SV2C: variants seen among roughly 807,000 people sequenced by gnomAD.
SV2C encodes the protein synaptic vesicle glycoprotein 2C.
Under a neutral mutation model 79.7 loss-of-function variants are expected in SV2C, and 49 were observed. The ratio of observed to expected loss-of-function variants is 0.61; its 90% CI spans 0.49 to 0.78. The LOEUF is 0.78. SV2C is among the 30% of genes least tolerant of loss of function. The pLI, the probability that SV2C is intolerant of heterozygous loss-of-function variation, is 0.00. For synonymous variants in SV2C, 334 were observed against 333.2 expected, an observed-to-expected ratio of 1.00 and a Z score of -0.03; for missense variants, 833 against 912.9, an observed-to-expected ratio of 0.91 and a Z score of 1.13.
the SV2C span, among the ~76,000 whole-genome samples, chr5:76,000,425 C>T: frequency 6.6e-6 from 1 of 152,146 alleles, no homozygotes; most frequent in Admixed American, 6.6e-5. Flanking sequence ...CACTGTGAAC[C>T]TGCATAATGC....
chr5:76,116,595 G>T (rs1247470288), intron 1 of SV2C, among the ~76,000 whole-genome samples: 1 of 152,120 alleles, frequency 6.6e-6, no homozygotes, highest in Non-Finnish European at 1.5e-5. Context: ...AGGCAGAACT[G>T]ACCACATTGA....
intron 2 of SV2C, among the ~76,000 whole-genome samples, chr5:76,139,856 A>ATT (rs3079931): frequency 0.06 from 3,855 of 64,528 alleles, 296 homozygotes; most frequent in East Asian, 0.3. Flanking sequence ...TCTTGAAAGT[A>ATT]TTTTTTTTTT....
chr5:76,293,941 A>C (rs1415828216), intron 8 of SV2C, among the ~76,000 whole-genome samples: 1 of 152,208 alleles, frequency 6.6e-6, no homozygotes, highest in Non-Finnish European at 1.5e-5. Flanking sequence ...TCCTCCTGCA[A>C]AGGCTATGCC....
At chr5:76,160,835 CT>C (rs1397026213) in intron 2 of SV2C, among the ~76,000 whole-genome samples, 2 of 152,128 alleles carry the variant, frequency 1.3e-5, no homozygotes, top group Admixed American at 1.3e-4. Context: ...GAAGATACCC[CT>C]TCAAGGCCCC....
chr5:76,173,851 C>T (rs1422767269), intron 2 of SV2C: 7 of 1,597,950 alleles, frequency 4.4e-6, no homozygotes, highest in Non-Finnish European at 6.0e-6. Flanking sequence ...CAACAAGAAT[C>T]ATTGGAACAT....
chr5:75,998,179 C>T, the SV2C span, among the ~76,000 whole-genome samples: 20 of 151,738 alleles, frequency 1.3e-4, no homozygotes, highest in South Asian at 2.1e-4. Context: ...CATCACACAC[C>T]GGGGCCTGAT....
chr5:76,119,722 C>G (rs1321337556), intron 1 of SV2C, among the ~76,000 whole-genome samples: 1 of 151,732 alleles, frequency 6.6e-6, no homozygotes, highest in Non-Finnish European at 1.5e-5. Context: ...AAACAAAAAA[C>G]AAAAAACAAA....
chr5:76,098,547 A>G (rs1011597641), intron 1 of SV2C, among the ~76,000 whole-genome samples: 4 of 152,238 alleles, frequency 2.6e-5, no homozygotes, highest in African/African-American at 9.6e-5. Context: ...ATTTATTGAT[A>G]AATACATTAC....
At chr5:76,242,176 C>T (rs1358636088) in intron 4 of SV2C, 9 of 1,090,696 alleles carry the variant, frequency 8.3e-6, no homozygotes, top group Admixed American at 3.4e-5. Context: ...GCCTTTTAGG[C>T]GTGGGCTCTG....
At chr5:76,153,637 C>A (rs1256845252) in intron 2 of SV2C, among the ~76,000 whole-genome samples, 3 of 152,048 alleles carry the variant, frequency 2.0e-5, no homozygotes, top group Non-Finnish European at 2.9e-5. Flanking sequence ...AGATGCTATA[C>A]CAAGGAGATT....
the SV2C span, among the ~76,000 whole-genome samples, chr5:75,912,667 T>G: frequency 6.6e-6 from 1 of 152,082 alleles, no homozygotes. Flanking sequence ...AAACATTACT[T>G]GATATGAGGG....
chr5:76,349,469 G>A (rs1169785267), intron 12 of SV2C, among the ~76,000 whole-genome samples: 8 of 150,032 alleles, frequency 5.3e-5, no homozygotes, highest in Admixed American at 1.3e-4. Flanking sequence ...GTGAGATCGC[G>A]CCACTGCACT....
Position 76,327,864 on chromosome 5 carries a change from A to G in SV2C, c.*2317A>G, listed in dbSNP as rs2913251. ...GAACACTGGGTTGGGTCAGCATAGGATAAACCAGCAAAACCTTACTTCATG... is the reference window on the plus strand; with the variant it reads ...GAACACTGGGTTGGGTCAGCATAGGGTAAACCAGCAAAACCTTACTTCATG... On this transcript the variant is annotated 3_prime_UTR_variant, in exon 13 of 13. Transcript: ENST00000502798. 0.59 allele frequency: 89,525 copies of G among 152,034 alleles called. 26,650 individuals carry two copies. Among genetic ancestry groups the G allele is most frequent in the Middle Eastern group, 0.64 (189 of 294 alleles). The allele number at this position is 152,034 out of a possible 1,614,324, so 9.4% of individuals were successfully genotyped here.
At chr5:76,081,450 G>A (rs1746990584), upstream of SV2C, among the ~76,000 whole-genome samples, 1 of 152,120 alleles carries the variant, frequency 6.6e-6, no homozygotes, top group Non-Finnish European at 1.5e-5. Flanking sequence ...TATTTCCAAT[G>A]CTGGATTCAT....
At chr5:76,187,022 G>A (rs1363063994) in intron 2 of SV2C, among the ~76,000 whole-genome samples, 1 of 152,150 alleles carries the variant, frequency 6.6e-6, no homozygotes, top group Non-Finnish European at 1.5e-5. Context: ...CACAGAACTT[G>A]GAGTAGGAGA....
chr5:76,122,199 G>A (rs1256429532), intron 1 of SV2C, among the ~76,000 whole-genome samples: 1 of 151,324 alleles, frequency 6.6e-6, no homozygotes, highest in Non-Finnish European at 1.5e-5. Context: ...AAGAATGCTT[G>A]TAATTTTTGT....
At chr5:76,086,545 C>T (rs1394164172) in intron 1 of SV2C, among the ~76,000 whole-genome samples, 2 of 152,216 alleles carry the variant, frequency 1.3e-5, no homozygotes, top group African/African-American at 4.8e-5. Context: ...TCCTGTTTGA[C>T]TGTGGTTCAC....
At chr5:76,282,036 T>C (rs1747214617) in intron 4 of SV2C, among the ~76,000 whole-genome samples, 1 of 152,212 alleles carries the variant, frequency 6.6e-6, no homozygotes. Flanking sequence ...ACTTTCTCTT[T>C]GGTTAAATCA....
At chr5:76,087,643 C>T (rs1747242828) in intron 1 of SV2C, among the ~76,000 whole-genome samples, 1 of 152,188 alleles carries the variant, frequency 6.6e-6, no homozygotes, top group Non-Finnish European at 1.5e-5. Context: ...TGCTGTTTAT[C>T]AAGCTCTGCC....
Sources: allele counts gnomAD v4.1 joint callset (sites outside exome capture counted in the v4.1 genomes callset), GRCh38; gene constraint gnomAD v4.1.1; transcripts MANE v1.5; gene names NCBI Gene and HGNC (gene_info 2026-07-23, HGNC 2026-07-21).